The following CSTPP1 variants were observed in gnomAD, a reference collection of about 807,000 sequenced individuals.
CSTPP1 encodes UPF0705 protein C11orf49.
At chr11:47,102,621 G>GA in the CSTPP1 span, among the ~76,000 whole-genome samples, 3 of 152,094 alleles carry the variant, frequency 2.0e-5, no homozygotes, top group Non-Finnish European at 4.4e-5. Context: ...GGGTGATAAT[G>GA]AAAAAAAGAC....
chr11:47,152,573 CGAGGCAGGCTCTG>C, the CSTPP1 span, among the ~76,000 whole-genome samples: 1 of 152,130 alleles, frequency 6.6e-6, no homozygotes, highest in African/African-American at 2.4e-5. Context: ...GCTTCTGCTC[CGAGGCAGGCTCTG>C]GAATGGGCCT....
the CSTPP1 span, among the ~76,000 whole-genome samples, chr11:47,150,016 G>C: frequency 6.6e-6 from 1 of 152,008 alleles, no homozygotes; most frequent in South Asian, 2.1e-4. Flanking sequence ...GCAGTCCTTT[G>C]AGAGTTGGGT....
At chr11:47,049,757 T>A in the CSTPP1 span, among the ~76,000 whole-genome samples, 3 of 151,690 alleles carry the variant, frequency 2.0e-5, no homozygotes, top group African/African-American at 7.3e-5. Context: ...AGCCTCTGAG[T>A]AGAACTACAG....
chr11:47,009,155 G>A, the CSTPP1 span, among the ~76,000 whole-genome samples: 26 of 152,084 alleles, frequency 1.7e-4, no homozygotes, highest in African/African-American at 6.0e-4. Flanking sequence ...CACCTTTCTC[G>A]GTTTTATTCT....
the CSTPP1 span, among the ~76,000 whole-genome samples, chr11:46,958,387 G>T: frequency 6.6e-6 from 1 of 152,118 alleles, no homozygotes; most frequent in Non-Finnish European, 1.5e-5. Flanking sequence ...TGTGCTAATT[G>T]ACTGTTTATG....
chr11:47,137,183 C>T, the CSTPP1 span: 6 of 932,984 alleles, frequency 6.4e-6, no homozygotes, highest in South Asian at 4.6e-5. Context: ...CTTCTCCCTA[C>T]ACAGCAAGAC....
chr11:47,009,196 G>A, the CSTPP1 span, among the ~76,000 whole-genome samples: 1 of 151,966 alleles, frequency 6.6e-6, no homozygotes, highest in Non-Finnish European at 1.5e-5. Flanking sequence ...TTCTTCATTT[G>A]CCTTGGTGGC....
At chr11:47,016,389 A>C in the CSTPP1 span, among the ~76,000 whole-genome samples, 332 of 144,014 alleles carry the variant, frequency 2.3e-3, 1 homozygote, top group African/African-American at 8.1e-3. Flanking sequence ...TATGGAATCT[A>C]CAAAAAACAA....
At chr11:47,157,715 C>CCCA in the CSTPP1 span, 1 of 1,204,796 alleles carries the variant, frequency 8.3e-7, no homozygotes, top group Non-Finnish European at 1.2e-6. Flanking sequence ...AGGCAGGTCC[C>CCCA]TGGCTTGGCT....
the CSTPP1 span, among the ~76,000 whole-genome samples, chr11:46,997,540 G>A: frequency 1.9e-3 from 291 of 152,198 alleles, 1 homozygote; most frequent in Non-Finnish European, 3.4e-3. Context: ...ATTACCTATC[G>A]TCTGAAGCCT....
the CSTPP1 span, among the ~76,000 whole-genome samples, chr11:47,095,279 A>G: frequency 6.6e-6 from 1 of 152,196 alleles, no homozygotes; most frequent in African/African-American, 2.4e-5. Flanking sequence ...AGTTGCTAGT[A>G]TTAGACAGGA....
chr11:47,134,919 G>A, the CSTPP1 span, among the ~76,000 whole-genome samples: 1 of 152,084 alleles, frequency 6.6e-6, no homozygotes, highest in African/African-American at 2.4e-5. Context: ...GACTAGCCTG[G>A]GTGACGGCAC....
chr11:46,979,397 G>A, the CSTPP1 span, among the ~76,000 whole-genome samples: 30 of 152,100 alleles, frequency 2.0e-4, no homozygotes, highest in Non-Finnish European at 3.4e-4. Flanking sequence ...CTGGAAAATA[G>A]TTATGTGAAT....
At chr11:47,127,999 C>T in the CSTPP1 span, among the ~76,000 whole-genome samples, 1 of 152,150 alleles carries the variant, frequency 6.6e-6, no homozygotes, top group South Asian at 2.1e-4. Context: ...GCTTCAGCCT[C>T]CTAAGTAGCT....
At chr11:47,134,930 G>A in the CSTPP1 span, among the ~76,000 whole-genome samples, 4 of 152,116 alleles carry the variant, frequency 2.6e-5, no homozygotes, top group East Asian at 5.8e-4. Context: ...GTGACGGCAC[G>A]AGACCCCGTC....
the CSTPP1 span, among the ~76,000 whole-genome samples, chr11:47,015,903 A>G: frequency 6.6e-6 from 1 of 152,216 alleles, no homozygotes; most frequent in African/African-American, 2.4e-5. Flanking sequence ...AGATCATTTC[A>G]ATAAATAGAG....
At chr11:46,940,294 CT>C in the CSTPP1 span, among the ~76,000 whole-genome samples, 1 of 152,172 alleles carries the variant, frequency 6.6e-6, no homozygotes, top group African/African-American at 2.4e-5. Context: ...TGTTTTTAGC[CT>C]TTTGCTGTTA....
chr11:46,944,907 A>G, the CSTPP1 span, among the ~76,000 whole-genome samples: 1 of 152,326 alleles, frequency 6.6e-6, no homozygotes, highest in South Asian at 2.1e-4. Flanking sequence ...AACATCTAAC[A>G]GTTACTGATA....
the CSTPP1 span, among the ~76,000 whole-genome samples, chr11:47,098,990 T>C: frequency 1.1e-4 from 16 of 152,172 alleles, no homozygotes; most frequent in African/African-American, 3.6e-4. Context: ...AGTATTGTGA[T>C]AAACCATGGG....
Sources: allele counts gnomAD v4.1 joint callset (sites outside exome capture counted in the v4.1 genomes callset), GRCh38; gene constraint gnomAD v4.1.1; transcripts MANE v1.5; gene names NCBI Gene and HGNC (gene_info 2026-07-23, HGNC 2026-07-21).